CEP112: variants seen among roughly 807,000 people sequenced by gnomAD.
CEP112 encodes the protein centrosomal protein 112, also known as centrosomal protein of 112 kDa.
In CEP112, 127 loss-of-function variants were observed where a neutral mutation model predicts 153.0. The observed-to-expected ratio is 0.83, with a 90% CI of 0.72 to 0.96. The LOEUF is 0.96. Among genes scored for constraint, CEP112 ranks in the 40% least tolerant of loss-of-function variants. The pLI is 0.00. For missense variants in CEP112, 1,089 were observed against 1,101.2 expected (o/e 0.99, Z 0.16); for synonymous variants, 358 against 374.4 (o/e 0.96, Z 0.51).
chr17:65,907,397 G>A (rs2060124048), intron 19 of CEP112, among the ~76,000 whole-genome samples: 1 of 152,096 alleles, frequency 6.6e-6, no homozygotes, highest in Non-Finnish European at 1.5e-5. Context: ...TTTTGCCAGG[G>A]CCTATTGCTC....
intron 6 of CEP112, among the ~76,000 whole-genome samples, chr17:66,118,915 T>C (rs1156597419): frequency 1.3e-5 from 2 of 152,104 alleles, no homozygotes; most frequent in Non-Finnish European, 2.9e-5. Context: ...CTAGTGCTTA[T>C]TCACAATAGC....
intron 23 of CEP112, among the ~76,000 whole-genome samples, chr17:65,707,721 C>T (rs529143177): frequency 6.6e-6 from 1 of 152,284 alleles, no homozygotes; most frequent in South Asian, 2.1e-4. Context: ...TTTCTTGTCA[C>T]ACTAGCAGTA....
intron 11 of CEP112, 72 bp from the exon 12 acceptor site, chr17:66,053,951 A>T: frequency 7.8e-7 from 1 of 1,275,696 alleles, no homozygotes; most frequent in Non-Finnish European, 1.1e-6. Flanking sequence ...AGCGGAAAAA[A>T]TGGTTTCTAT....
chr17:66,001,108 G>T (rs2064026153), intron 17 of CEP112, among the ~76,000 whole-genome samples: 1 of 152,164 alleles, frequency 6.6e-6, no homozygotes, highest in Admixed American at 6.5e-5. Flanking sequence ...GATCCAATCT[G>T]CTCCCAAATG....
chr17:66,020,190 T>A (rs2064946230), intron 16 of CEP112, among the ~76,000 whole-genome samples: 1 of 152,132 alleles, frequency 6.6e-6, no homozygotes, highest in Non-Finnish European at 1.5e-5. Context: ...GCCCAAAGAA[T>A]GAACGGTGGA....
At chr17:65,689,046 G>T in intron 24 of CEP112, 83 bp downstream of exon 24, 1 of 968,034 alleles carries the variant, frequency 1.0e-6, no homozygotes, top group Non-Finnish European at 1.7e-6. Flanking sequence ...GAGATTACAG[G>T]TGTGAGCCAC....
chr17:66,047,402 C>A (rs1344403185), intron 12 of CEP112, among the ~76,000 whole-genome samples: 1 of 152,218 alleles, frequency 6.6e-6, no homozygotes, highest in Non-Finnish European at 1.5e-5. Flanking sequence ...CAGGCGAAAG[C>A]CACTGCACCC....
At chr17:65,777,401 A>AT (rs1263872578) in intron 21 of CEP112, among the ~76,000 whole-genome samples, 2 of 152,186 alleles carry the variant, frequency 1.3e-5, no homozygotes, top group East Asian at 3.8e-4. Context: ...TTTATTGGCC[A>AT]TATTTCCTGA....
intron 11 of CEP112, among the ~76,000 whole-genome samples, chr17:66,054,504 G>A (rs956988487): frequency 6.6e-6 from 1 of 152,160 alleles, no homozygotes; most frequent in Non-Finnish European, 1.5e-5. Flanking sequence ...TTAAATGGAT[G>A]AGCTTTTAAA....
At chr17:65,659,027 A>AAAAT (rs1325363133) in intron 24 of CEP112, among the ~76,000 whole-genome samples, 1 of 143,822 alleles carries the variant, frequency 7.0e-6, no homozygotes, top group Non-Finnish European at 1.5e-5. Flanking sequence ...AAAAAAAAAA[A>AAAAT]AAAAAAAAAA....
intron 20 of CEP112, among the ~76,000 whole-genome samples, chr17:65,877,740 T>C (rs1007455398): frequency 1.3e-5 from 2 of 152,250 alleles, no homozygotes; most frequent in Non-Finnish European, 2.9e-5. Context: ...CTGATTTCTA[T>C]GAATATATCT....
At chr17:66,018,612 C>T (rs1444480298) in intron 16 of CEP112, among the ~76,000 whole-genome samples, 1 of 152,188 alleles carries the variant, frequency 6.6e-6, no homozygotes, top group African/African-American at 2.4e-5. Flanking sequence ...CACACGTACT[C>T]TTAAAAATCA....
intron 17 of CEP112, among the ~76,000 whole-genome samples, chr17:65,969,492 C>A (rs921091969): frequency 6.6e-6 from 1 of 152,116 alleles, no homozygotes. Context: ...ATATTACACA[C>A]AGGTATACTG....
At chr17:66,066,438 T>G (rs1411927506) in intron 10 of CEP112, among the ~76,000 whole-genome samples, 1 of 152,178 alleles carries the variant, frequency 6.6e-6, no homozygotes, top group Non-Finnish European at 1.5e-5. Flanking sequence ...ATTCTATGAC[T>G]GCCCTCAATA....
intron 20 of CEP112, chr17:65,872,833 GCTC>G (rs2058707520): frequency 6.6e-6 from 1 of 152,090 alleles, no homozygotes; most frequent in African/African-American, 2.4e-5. Flanking sequence ...TTAGCTCACA[GCTC>G]TTCTAAAAAC....
At chr17:65,875,705 G>T (rs1280172242) in intron 20 of CEP112, among the ~76,000 whole-genome samples, 1 of 151,630 alleles carries the variant, frequency 6.6e-6, no homozygotes, top group Non-Finnish European at 1.5e-5. Context: ...CTCACTTCAC[G>T]CAATGAGAAT....
intron 6 of CEP112, 127 bp from the exon 7 acceptor site, chr17:66,096,759 T>C (rs2068363659): frequency 1.5e-6 from 1 of 658,642 alleles, no homozygotes; most frequent in South Asian, 2.0e-5. Context: ...TAATTCATTT[T>C]TAGAATGGGT....
intron 6 of CEP112, among the ~76,000 whole-genome samples, chr17:66,097,801 C>T (rs1003223181): frequency 6.6e-6 from 1 of 152,134 alleles, no homozygotes; most frequent in Non-Finnish European, 1.5e-5. Flanking sequence ...CTATTTCACT[C>T]ACAAATAAAG....
intron 24 of CEP112, among the ~76,000 whole-genome samples, chr17:65,675,072 A>T (rs933009382): frequency 6.6e-6 from 1 of 152,362 alleles, no homozygotes; most frequent in African/African-American, 2.4e-5. Flanking sequence ...TAGGTTAGAC[A>T]CAGCTAAGGA....
Sources: allele counts gnomAD v4.1 joint callset (sites outside exome capture counted in the v4.1 genomes callset), GRCh38; gene constraint gnomAD v4.1.1; transcripts MANE v1.5; gene names NCBI Gene and HGNC (gene_info 2026-07-23, HGNC 2026-07-21).